SPTBN1: variants seen among roughly 807,000 people sequenced by gnomAD.
SPTBN1 encodes spectrin beta chain, non-erythrocytic 1.
SPTBN1 carries 32 observed loss-of-function variants against 266.4 expected under a neutral mutation model. That is an observed-to-expected ratio of 0.12 (90% CI 0.09 to 0.16). SPTBN1 has a LOEUF of 0.16. Among genes scored for constraint, SPTBN1 ranks in the 10% least tolerant of loss-of-function variants. SPTBN1 has a pLI of 1.00. For missense variants in SPTBN1, 2,296 were observed against 3,067.1 expected, an observed-to-expected ratio of 0.75 and a Z score of 5.94; for synonymous variants, 1,336 against 1,162.2, an observed-to-expected ratio of 1.15 and a Z score of -3.04.
intron 27 of SPTBN1, 53 bp from the exon 28 acceptor site, chr2:54,655,017 C>T: frequency 6.4e-7 from 1 of 1,565,608 alleles, no homozygotes; most frequent in East Asian, 2.3e-5. Context: ...AAAACCTACA[C>T]ATTTTTTGAA....
In SPTBN1 at chr2:54,638,196, C is replaced by T. The variant is rs1225389158; in HGVS notation, c.3858+393C>T. Among the ~76,000 whole-genome samples the T allele has an allele frequency of 2.0e-5, 3 of 152,152 alleles. No homozygotes were observed. The East Asian group carries it at 5.8e-4, about 29-fold the overall frequency. ...TTTGACTAGTGGCTACCATGTTGGA[C>T]AACACAGATATAGAACATTTCTGTC... On this transcript the variant is annotated intron_variant, in intron 18 of 35. Coordinates refer to ENST00000356805, the MANE Select transcript of SPTBN1 (RefSeq NM_003128.3).
intron 2 of SPTBN1, among the ~76,000 whole-genome samples, chr2:54,541,430 C>T (rs1048610387): frequency 2.6e-5 from 4 of 152,124 alleles, no homozygotes; most frequent in Non-Finnish European, 4.4e-5. Flanking sequence ...GGAGAAGAGG[C>T]GAGGCTGGAG....
At chr2:54,607,263 T>C (rs879318718) in intron 3 of SPTBN1, among the ~76,000 whole-genome samples, 2 of 152,234 alleles carry the variant, frequency 1.3e-5, no homozygotes, top group African/African-American at 4.8e-5. Flanking sequence ...TTTTTAAAAA[T>C]ACAGTATAAC....
intron 2 of SPTBN1, among the ~76,000 whole-genome samples, chr2:54,574,951 G>T (rs1288592405): frequency 2.6e-5 from 4 of 152,156 alleles, no homozygotes; most frequent in Non-Finnish European, 2.9e-5. Context: ...TGTGGATTGA[G>T]GAACCTGAGG....
intron 9 of SPTBN1, 46 bp from the exon 10 acceptor site, chr2:54,623,433 A>C (rs577459596): frequency 6.5e-7 from 1 of 1,529,410 alleles, no homozygotes; most frequent in South Asian, 1.1e-5. Context: ...ACAGTGTGAA[A>C]TTTTTTTTTC....
intron 1 of SPTBN1, among the ~76,000 whole-genome samples, chr2:54,507,678 G>A (rs1669644912): frequency 1.3e-5 from 2 of 152,066 alleles, no homozygotes; most frequent in African/African-American, 2.4e-5. Flanking sequence ...GGGGGTTAGT[G>A]TAATTACTTG....
Position 54,591,874 on chromosome 2 carries a change from G to A in SPTBN1, c.149-7218G>A, listed in dbSNP as rs759937401. Among the ~76,000 whole-genome samples the A allele has an allele frequency of 3.3e-5, 5 of 152,288 alleles. No homozygotes were observed. In the South Asian group the frequency reaches 1.0e-3, roughly 32 times the overall value. On this transcript the variant is annotated intron_variant, in intron 2 of 35. Transcript: ENST00000356805. The stretch of plus-strand genomic sequence containing the variant: ...TTTTTCAGTTATAGCAAATTCTCTA[G>A]AGTAAATAAATATGGGGCTGGGTGC...
At chr2:54,516,760 A>G (rs1353840002) in intron 1 of SPTBN1, among the ~76,000 whole-genome samples, 1 of 152,206 alleles carries the variant, frequency 6.6e-6, no homozygotes, top group African/African-American at 2.4e-5. Flanking sequence ...AAGGTTAGGG[A>G]CACACCAGTG....
rs1222257757 is a variant in SPTBN1 at position 54,645,195 on chromosome 2, G to C, written c.4270-34G>C. ...AGCCAGTCACTGCAAAAGATAGTCT[G>C]TGCTGAGCGCTGAGGCTGCTTCTCT... On this transcript the variant is annotated intron_variant, in intron 20 of 35. Coordinates refer to ENST00000356805, the MANE Select transcript of SPTBN1 (RefSeq NM_003128.3). The surrounding 1 kb of genome is among the most constrained non-coding windows in gnomAD (Gnocchi z 4.3). 1 of 1,611,082 alleles carries C rather than the reference G, an allele frequency of 6.2e-7. No homozygotes were observed. Among genetic ancestry groups the C allele is most frequent in the South Asian group, 1.1e-5 (1 of 90,930 alleles).
chr2:54,638,434 T>C (rs905878401), intron 18 of SPTBN1, among the ~76,000 whole-genome samples: 29 of 152,346 alleles, frequency 1.9e-4, no homozygotes, highest in African/African-American at 6.5e-4. Flanking sequence ...TCTATCCATC[T>C]TTCAGGCTGT....
At chr2:54,510,834 C>T (rs546749469) in intron 1 of SPTBN1, among the ~76,000 whole-genome samples, 3 of 152,278 alleles carry the variant, frequency 2.0e-5, no homozygotes, top group South Asian at 2.1e-4. Flanking sequence ...ACTGGGAGAA[C>T]GCAGAAACTT....
chr2:54,491,360 A>G (rs1022444606), intron 1 of SPTBN1, among the ~76,000 whole-genome samples: 7 of 152,144 alleles, frequency 4.6e-5, no homozygotes, highest in African/African-American at 7.2e-5. Flanking sequence ...GGTAGAAAAA[A>G]ATTTCATTAC....
intron 2 of SPTBN1, among the ~76,000 whole-genome samples, chr2:54,537,202 G>C (rs1020400746): frequency 6.6e-6 from 1 of 152,112 alleles, no homozygotes; most frequent in African/African-American, 2.4e-5. Context: ...GCTCCTCCTT[G>C]ACTCAGCTCA....
intron 2 of SPTBN1, among the ~76,000 whole-genome samples, chr2:54,541,935 A>G (rs1157445840): frequency 2.0e-5 from 3 of 152,170 alleles, no homozygotes; most frequent in East Asian, 1.9e-4. Context: ...TTTCTATTCT[A>G]TTCCATTTTT....
Position 54,558,305 on chromosome 2 carries a change from T to G in SPTBN1, c.148+31739T>G, listed in dbSNP as rs2104457310. The G allele has an allele frequency of 2.0e-6, 2 of 987,632 alleles. No homozygotes were observed. Among genetic ancestry groups the G allele is most frequent in the African/African-American group, 3.5e-5 (2 of 57,402 alleles). The allele number at this position is 987,632 out of a possible 1,614,324, so 61.2% of individuals were successfully genotyped here. A position where few individuals can be genotyped will look rare whatever the true frequency, so the allele number is the denominator to read the frequency against. On this transcript the variant is annotated intron_variant, in intron 2 of 35. Transcript: ENST00000356805. The surrounding 1 kb of genome is among the most constrained non-coding windows in gnomAD (Gnocchi z 4.6). ...CTGCATTTCTAATACAATGCTGTTA[T>G]GCTAATCAGGTGACATCACCGCCCA...
intron 2 of SPTBN1, among the ~76,000 whole-genome samples, chr2:54,573,136 T>C (rs574165777): frequency 6.6e-6 from 1 of 152,320 alleles, no homozygotes; most frequent in Non-Finnish European, 1.5e-5. Flanking sequence ...TGATCTTTGC[T>C]CCCTCTTTGC....
At chr2:54,639,615 T>A (rs557433394) in intron 18 of SPTBN1, among the ~76,000 whole-genome samples, 1 of 152,244 alleles carries the variant, frequency 6.6e-6, no homozygotes, top group Non-Finnish European at 1.5e-5. Flanking sequence ...TTTCGTTAAG[T>A]AGACATGTAT....
Position 54,653,565 on chromosome 2 carries a change from G to T in SPTBN1, c.5578-44G>T, listed in dbSNP as rs1572760654. The T allele has an allele frequency of 6.3e-7, 1 of 1,596,606 alleles. No homozygotes were observed. Among genetic ancestry groups the T allele is most frequent in the African/African-American group, 1.4e-5 (1 of 73,726 alleles). On this transcript the variant is annotated intron_variant, in intron 26 of 35. Transcript: ENST00000356805. This position sits in a 1 kb window ranked among gnomAD's most constrained non-coding sequence, Gnocchi z 5.1. ...TAGGGCTTGGGGTGATGGTGGGAAG[G>T]CCGCCATGGGCTGACCTGGCTCATC... is the stretch of plus-strand genomic sequence containing the variant.
intron 11 of SPTBN1, among the ~76,000 whole-genome samples, 184 bp from the exon 12 acceptor site, chr2:54,625,748 G>A (rs1403953056): frequency 1.3e-5 from 2 of 151,944 alleles, no homozygotes; most frequent in South Asian, 2.1e-4. Context: ...GTGCCACCAC[G>A]CCCGGCTAAT....
Sources: allele counts gnomAD v4.1 joint callset (sites outside exome capture counted in the v4.1 genomes callset), GRCh38; gene constraint gnomAD v4.1.1; non-coding constraint Gnocchi (gnomAD v3.1); transcripts MANE v1.5; gene names NCBI Gene and HGNC (gene_info 2026-07-23, HGNC 2026-07-21).